Variants in RNF6 observed in about 807,000 individuals in gnomAD.
RNF6 encodes E3 ubiquitin-protein ligase RNF6.
Under a neutral mutation model 50.1 loss-of-function variants are expected in RNF6, and 21 were observed. The observed-to-expected ratio is 0.42, with a 90% CI of 0.30 to 0.60. The LOEUF is 0.60. RNF6 is among the 20% of genes least tolerant of loss of function. The pLI is 0.20. For missense variants in RNF6, 698 were observed against 838.2 expected (o/e 0.83, Z 2.07); for synonymous variants, 255 against 291.8 (o/e 0.87, Z 1.29).
intron 5 of RNF6, among the ~76,000 whole-genome samples, chr13:26,206,187 C>T (rs553051837): frequency 6.6e-6 from 1 of 152,038 alleles, no homozygotes; most frequent in African/African-American, 2.4e-5. Context: ...CCGCCTCCCC[C>T]CCACCACCCT....
intron 5 of RNF6, among the ~76,000 whole-genome samples, chr13:26,200,611 G>C (rs561770221): frequency 1.3e-5 from 2 of 152,184 alleles, no homozygotes; most frequent in African/African-American, 4.8e-5. Flanking sequence ...CACCATGTTG[G>C]CCAGGCTGGT....
chr13:26,141,569 T>A (rs1321865818), intron 5 of RNF6, among the ~76,000 whole-genome samples: 1 of 151,454 alleles, frequency 6.6e-6, no homozygotes, highest in African/African-American at 2.4e-5. Flanking sequence ...AACCCAGAAA[T>A]AAAGCAGCAT....
Position 26,201,864 on chromosome 13 carries a change from T to C in RNF6, n.768+13610A>G, listed in dbSNP as rs542180949. 2.0e-5 allele frequency among the ~76,000 whole-genome samples: 3 copies of C among 152,282 alleles called. No individual in the cohort carries two copies. The South Asian group carries it at 6.2e-4, about 32-fold the overall frequency. On this transcript the variant is annotated intron_variant and non_coding_transcript_variant, in intron 5 of 5. Transcript: ENST00000468480. ...GTTACAACCCAAAAGTTTGGTTTCA[T>C]CCTTTGAGAGCCAGTTGACTGATAC...
chr13:26,164,065 C>T (rs561135466), intron 5 of RNF6, among the ~76,000 whole-genome samples: 7 of 152,070 alleles, frequency 4.6e-5, no homozygotes, highest in Admixed American at 1.3e-4. Flanking sequence ...ATGTTTTAAT[C>T]GAAAAGAAAA....
rs765995587 is a variant in RNF6, at chr13:26,149,984, G to GTA, written n.769-17535_769-17534dup. Among the ~76,000 whole-genome samples the GTA allele has an allele frequency of 3.0e-3, 241 of 81,092 alleles. 6 individuals carry two copies. The highest frequency in any genetic ancestry group is 8.0e-3 in the African/African-American group (144 of 17,946). The allele number at this position is 81,092 out of a possible 152,430, so 53.2% of individuals were successfully genotyped here. ...TATATACACAGTGTATATATAATGT[G>GTA]TATATATATATACACAGTGTATATA... On this transcript the variant is annotated intron_variant and non_coding_transcript_variant, in intron 5 of 5. Transcript: ENST00000468480.
chr13:26,174,311 G>A (rs572119787), intron 5 of RNF6, among the ~76,000 whole-genome samples: 8 of 152,060 alleles, frequency 5.3e-5, no homozygotes, highest in East Asian at 1.9e-4. Flanking sequence ...GCTGGAGTTC[G>A]GTTATTGTAA....
At chr13:26,219,855 T>A (rs980350460) in intron 2 of RNF6, among the ~76,000 whole-genome samples, 188 bp from the exon 3 acceptor site, 2 of 152,200 alleles carry the variant, frequency 1.3e-5, no homozygotes, top group Admixed American at 1.3e-4. Context: ...ACAACACAAT[T>A]GGCACTTACT....
intron 3 of RNF6, 152 bp from the exon 4 acceptor site, chr13:26,218,758 A>G (rs1056949286): frequency 1.1e-5 from 6 of 569,082 alleles, no homozygotes; most frequent in African/African-American, 7.6e-5. Context: ...AAAATATTCA[A>G]CTGGTACAAA....
intron 5 of RNF6, among the ~76,000 whole-genome samples, chr13:26,194,893 G>T (rs995133690): frequency 6.6e-6 from 1 of 152,124 alleles, no homozygotes; most frequent in Non-Finnish European, 1.5e-5. Context: ...TGATTAGAAG[G>T]TGCCCACCCA....
At chr13:26,171,612 A>G (rs531700519) in intron 5 of RNF6, among the ~76,000 whole-genome samples, 1 of 152,364 alleles carries the variant, frequency 6.6e-6, no homozygotes, top group Non-Finnish European at 1.5e-5. Context: ...TCATAGCAGC[A>G]TTATCCACAA....
At chr13:26,201,242 A>G (rs1868886257) in intron 5 of RNF6, among the ~76,000 whole-genome samples, 1 of 152,218 alleles carries the variant, frequency 6.6e-6, no homozygotes, top group Non-Finnish European at 1.5e-5. Context: ...TGGTCCAACC[A>G]TTTTGGAAAA....
chr13:26,135,150 G>A (rs1197207345), intron 5 of RNF6, among the ~76,000 whole-genome samples: 1 of 152,068 alleles, frequency 6.6e-6, no homozygotes, highest in African/African-American at 2.4e-5. Flanking sequence ...AATTCAAATG[G>A]TAGTTTTAAA....
chr13:26,187,484 CT>C (rs1266095750), intron 5 of RNF6, among the ~76,000 whole-genome samples: 1 of 152,184 alleles, frequency 6.6e-6, no homozygotes, highest in Admixed American at 6.5e-5. Context: ...TACGACCACC[CT>C]TCCCTGGCCC....
chr13:26,190,168 GT>G (rs1868401416), intron 5 of RNF6, among the ~76,000 whole-genome samples: 1 of 152,154 alleles, frequency 6.6e-6, no homozygotes, highest in African/African-American at 2.4e-5. Context: ...AGCCAGCAAT[GT>G]TGCATCTCTG....
chr13:26,167,743 G>A (rs141718497), intron 5 of RNF6, among the ~76,000 whole-genome samples: 2,511 of 152,272 alleles, frequency 0.016, 52 homozygotes, highest in African/African-American at 0.054. Context: ...AAAGACACAT[G>A]CACACATACG....
chr13:26,163,263 G>C (rs1437545384), intron 5 of RNF6, among the ~76,000 whole-genome samples: 1 of 151,572 alleles, frequency 6.6e-6, no homozygotes, highest in Non-Finnish European at 1.5e-5. Context: ...AGTGAGTCGA[G>C]ATCGCGCCAT....
chr13:26,202,254 G>A (rs1373060434), intron 5 of RNF6, among the ~76,000 whole-genome samples: 1 of 152,166 alleles, frequency 6.6e-6, no homozygotes, highest in African/African-American at 2.4e-5. Flanking sequence ...TATCAGATGA[G>A]ACAATGAGCA....
chr13:26,214,930 G>C lies in RNF6; in HGVS notation c.952C>G (p.Gln318Glu). The change falls in exon 5 of 5, where the codon CAG becomes GAG. Residue 318 changes from glutamine (Q) to glutamate (E), a missense_variant. Physicochemically the swap from Gln to Glu is conservative, Grantham distance 29. Coordinates refer to ENST00000381588, the MANE Select transcript of RNF6 (RefSeq NM_005977.4). ...NSRSRSPIQR[Q>E]SGTVYHNSQR... ...GAATTATGATAAACAGTGCCACTCT[G>C]TCTCTGAATTGGTGAACGGCTTCGA... is the stretch of plus-strand genomic sequence containing the variant. 1 of 1,614,232 alleles carries C rather than the reference G, an allele frequency of 6.2e-7. No homozygotes were observed. Among genetic ancestry groups the C allele is most frequent in the Non-Finnish European group, 8.5e-7 (1 of 1,180,038 alleles).
chr13:26,139,041 A>T (rs770723069), intron 5 of RNF6, among the ~76,000 whole-genome samples: 5 of 152,160 alleles, frequency 3.3e-5, no homozygotes, highest in African/African-American at 1.2e-4. Context: ...TCTGTATCTT[A>T]TATGTTTCGA....
Sources: allele counts gnomAD v4.1 joint callset (sites outside exome capture counted in the v4.1 genomes callset), GRCh38; gene constraint gnomAD v4.1.1; transcripts MANE v1.5; gene names NCBI Gene and HGNC (gene_info 2026-07-23, HGNC 2026-07-21).